The following MEIS1 variants were observed in gnomAD, a reference collection of about 807,000 sequenced individuals.
MEIS1 encodes homeobox protein Meis1.
Under a neutral mutation model 50.8 loss-of-function variants are expected in MEIS1, and 5 were observed. The observed-to-expected ratio is 0.10, with a 90% CI of 0.05 to 0.21. MEIS1 has a LOEUF of 0.21. MEIS1 is among the 10% of genes least tolerant of loss of function. MEIS1 has a pLI of 1.00. For synonymous variants in MEIS1, 176 were observed against 179.3 expected (o/e 0.98, Z 0.15); for missense variants, 318 against 517.3 (o/e 0.61, Z 3.74).
rs1050704403 is a variant in MEIS1, at chr2:66,571,272, G to A, written c.*64G>A. 1.9e-6 allele frequency: 3 copies of A among 1,593,386 alleles called. No homozygotes were observed. Among genetic ancestry groups the A allele is most frequent in the Non-Finnish European group, 2.6e-6 (3 of 1,169,888 alleles). ...GCTGCAAAGTATGCCAGGGGAGTAT[G>A]TAGCCCGGGGTGGTCCAATGGGTGT... On this transcript the variant is annotated 3_prime_UTR_variant, in exon 13 of 13. Coordinates refer to ENST00000272369, the MANE Select transcript of MEIS1 (RefSeq NM_002398.3).
intron 7 of MEIS1, chr2:66,509,068 G>T (rs758096204): frequency 2.1e-6 from 1 of 471,576 alleles, no homozygotes; most frequent in Non-Finnish European, 4.4e-6. Flanking sequence ...AGAAATTCTC[G>T]AGAGACCACA....
chr2:66,534,592 AACC>A (rs1383771003), intron 8 of MEIS1, among the ~76,000 whole-genome samples: 2 of 152,166 alleles, frequency 1.3e-5, no homozygotes, highest in African/African-American at 2.4e-5. Context: ...GTAAATGTGT[AACC>A]ACATCACTGA....
intron 9 of MEIS1, among the ~76,000 whole-genome samples, chr2:66,562,970 A>G (rs1289963302): frequency 2.0e-5 from 3 of 152,184 alleles, no homozygotes; most frequent in African/African-American, 7.2e-5. Context: ...AAAGCATACT[A>G]AAAGATTTAC....
chr2:66,472,529 C>G (rs948204094), intron 7 of MEIS1, among the ~76,000 whole-genome samples: 15 of 152,090 alleles, frequency 9.9e-5, no homozygotes, highest in Non-Finnish European at 1.9e-4. Context: ...TGTGTGCTAC[C>G]AAGAACATCA....
At chr2:66,498,567 G>C (rs536539803) in intron 7 of MEIS1, among the ~76,000 whole-genome samples, 2 of 152,292 alleles carry the variant, frequency 1.3e-5, no homozygotes, top group South Asian at 4.1e-4. Context: ...GGCTTGTTCT[G>C]ATAGGTCAGT....
intron 8 of MEIS1, 151 bp from the exon 9 acceptor site, chr2:66,547,792 G>A (rs1008297303): frequency 3.0e-6 from 2 of 672,380 alleles, no homozygotes; most frequent in South Asian, 3.8e-5. Context: ...GTCTTTTACT[G>A]CCATTAATTA....
intron 9 of MEIS1, chr2:66,562,090 A>T: frequency 9.9e-6 from 1 of 101,248 alleles, no homozygotes; most frequent in Admixed American, 1.3e-4. Context: ...AGTATTACAG[A>T]GAGCCATACA....
chr2:66,534,864 A>G (rs1363511833), intron 8 of MEIS1, among the ~76,000 whole-genome samples: 2 of 152,236 alleles, frequency 1.3e-5, no homozygotes, highest in African/African-American at 2.4e-5. Context: ...CATGTTTTAG[A>G]AGGGGCAAAT....
intron 9 of MEIS1, among the ~76,000 whole-genome samples, chr2:66,555,911 A>G (rs1450203823): frequency 6.6e-6 from 1 of 152,236 alleles, no homozygotes; most frequent in African/African-American, 2.4e-5. Flanking sequence ...GCTCGGGGGA[A>G]GGAAGTGTTT....
intron 7 of MEIS1, among the ~76,000 whole-genome samples, chr2:66,504,553 C>A (rs1403178564): frequency 6.6e-6 from 1 of 152,034 alleles, no homozygotes; most frequent in Non-Finnish European, 1.5e-5. Context: ...AATTTCTTGT[C>A]ACCATTTAAG....
At chr2:66,558,466 C>T (rs1189328812) in intron 9 of MEIS1, among the ~76,000 whole-genome samples, 2 of 152,014 alleles carry the variant, frequency 1.3e-5, no homozygotes, top group African/African-American at 4.8e-5. Context: ...TGTCTTTATT[C>T]GAGAGATTGT....
chr2:66,437,125 T>C (rs1168895648), intron 1 of MEIS1, among the ~76,000 whole-genome samples: 3 of 152,174 alleles, frequency 2.0e-5, no homozygotes, highest in Non-Finnish European at 4.4e-5. Context: ...GTTTCACTTA[T>C]AAGGGGTCAG....
Position 66,571,187 on chromosome 2 carries a change from C to T in MEIS1, c.*38-59C>T. 5.3e-6 allele frequency: 8 copies of T among 1,516,966 alleles called. No homozygotes were observed. The South Asian group carries it at 7.5e-5, about 14-fold the overall frequency. 94.0% of individuals were successfully genotyped at this position (1,516,966 alleles called of 1,614,324 possible). A position where few individuals can be genotyped will look rare whatever the true frequency, so the allele number is the denominator to read the frequency against. ...TTTATAGGATTGTCATAGCCAGGAC[C>T]ACACTATTGCTTTTTCATAACATTT... On this transcript the variant is annotated intron_variant, in intron 12 of 12. Transcript: ENST00000272369.
intron 9 of MEIS1, among the ~76,000 whole-genome samples, chr2:66,565,587 A>T (rs1208956451): frequency 6.6e-6 from 1 of 152,212 alleles, no homozygotes; most frequent in Non-Finnish European, 1.5e-5. Flanking sequence ...TCTCTTTGGT[A>T]ACATGTGACC....
chr2:66,469,111 T>G (rs1672709179), intron 7 of MEIS1, among the ~76,000 whole-genome samples: 1 of 152,054 alleles, frequency 6.6e-6, no homozygotes. Flanking sequence ...TAAAGGCTTT[T>G]AATGATTGCT....
chr2:66,514,790 C>G (rs1159790472), intron 8 of MEIS1, among the ~76,000 whole-genome samples: 1 of 152,174 alleles, frequency 6.6e-6, no homozygotes, highest in Non-Finnish European at 1.5e-5. Flanking sequence ...TCCCACTTCT[C>G]TAATTGCAAG....
chr2:66,506,482 C>G (rs1258764701), intron 7 of MEIS1, among the ~76,000 whole-genome samples: 1 of 152,058 alleles, frequency 6.6e-6, no homozygotes, highest in Non-Finnish European at 1.5e-5. Flanking sequence ...AGTGCCAGTG[C>G]GTATGGGGAC....
intron 7 of MEIS1, among the ~76,000 whole-genome samples, chr2:66,488,539 A>T (rs909055522): frequency 6.6e-6 from 1 of 151,976 alleles, no homozygotes; most frequent in Non-Finnish European, 1.5e-5. Flanking sequence ...TTAGCCGGGC[A>T]TGGTGGTGGG....
rs561606699 is a variant in MEIS1, at chr2:66,521,098, CTT to C, written c.888+8808_888+8809del. Among the ~76,000 whole-genome samples the C allele has an allele frequency of 1.3e-3, 195 of 152,372 alleles. 1 individual carries two copies. The highest frequency in any genetic ancestry group is 4.6e-3 in the African/African-American group (191 of 41,596). ...AGAATGGTCCTTCCCTATCTGGAATCTTTTTCTGCAGATATCTGCCCATAAAA... is the reference window on the plus strand; with the variant it reads ...AGAATGGTCCTTCCCTATCTGGAATCTTTCTGCAGATATCTGCCCATAAAA... On this transcript the variant is annotated intron_variant, in intron 8 of 12. Transcript: ENST00000272369.
Sources: gnomAD v4.1 joint callset for allele counts (sites outside exome capture counted in the v4.1 genomes callset) on GRCh38, gnomAD v4.1.1 for gene constraint, MANE v1.5 for transcripts, NCBI Gene and HGNC (gene_info 2026-07-23, HGNC 2026-07-21) for gene names.